The following UBE2W variants were observed in gnomAD, a reference collection of about 807,000 sequenced individuals.
UBE2W encodes ubiquitin conjugating enzyme E2 W, also known as ubiquitin-conjugating enzyme E2 W.
A neutral mutation model predicts 27.2 loss-of-function variants in UBE2W; 18 were observed. The ratio of observed to expected loss-of-function variants is 0.66; its 90% CI spans 0.46 to 0.98. The LOEUF is 0.98. UBE2W is among the 50% of genes least tolerant of loss of function. The probability of loss-of-function intolerance (pLI) is 0.00; values close to 1 mark genes in which losing one functional copy is unlikely to be tolerated. For missense variants in UBE2W, 90 were observed against 180.2 expected (o/e 0.50, Z 2.87); for synonymous variants, 53 against 57.2 (o/e 0.93, Z 0.33).
exon 5 of UBE2W, chr8:73,780,275 C>A (rs971937388): frequency 4.1e-6 from 1 of 246,422 alleles, no homozygotes; most frequent in Non-Finnish European, 8.4e-6. Flanking sequence ...GATACATCAC[C>A]CCATGACTGC....
intron 1 of UBE2W, among the ~76,000 whole-genome samples, chr8:73,834,415 T>C (rs1003231682): frequency 1.3e-5 from 2 of 152,242 alleles, no homozygotes; most frequent in Non-Finnish European, 2.9e-5. Flanking sequence ...AAGAACTGGC[T>C]TCTTCAACAG....
At chr8:73,877,999 T>C (rs1319764852) in intron 1 of UBE2W, among the ~76,000 whole-genome samples, 2 of 150,924 alleles carry the variant, frequency 1.3e-5, no homozygotes, top group African/African-American at 2.4e-5. Context: ...GGTCTGGGAA[T>C]AAGGGCAAAG....
intron 1 of UBE2W, among the ~76,000 whole-genome samples, chr8:73,866,281 AAAAAAAAAAATATATAT>A (rs923848288): frequency 9.8e-5 from 11 of 112,242 alleles, no homozygotes; most frequent in African/African-American, 4.0e-4. Flanking sequence ...AAAAAAAAAA[AAAAAAAAAAATATATAT>A]ATATATATAT....
At chr8:73,858,756 C>T (rs1009150572) in intron 1 of UBE2W, among the ~76,000 whole-genome samples, 13 of 149,798 alleles carry the variant, frequency 8.7e-5, no homozygotes, top group African/African-American at 3.2e-4. Flanking sequence ...ATGGGTAGTC[C>T]TTTCCAAGCC....
At chr8:73,810,963 T>C (rs1809128233) in intron 3 of UBE2W, among the ~76,000 whole-genome samples, 1 of 152,196 alleles carries the variant, frequency 6.6e-6, no homozygotes, top group African/African-American at 2.4e-5. Flanking sequence ...ATTTTGCTCA[T>C]TGCTCTCTGC....
chr8:73,857,492 A>C (rs191170366), intron 1 of UBE2W, among the ~76,000 whole-genome samples: 1 of 152,272 alleles, frequency 6.6e-6, no homozygotes, highest in East Asian at 1.9e-4. Context: ...TATTTTGATA[A>C]AGAGCAAGTT....
At chr8:73,806,054 C>A (rs965958058) in intron 4 of UBE2W, among the ~76,000 whole-genome samples, 1 of 152,068 alleles carries the variant, frequency 6.6e-6, no homozygotes, top group Non-Finnish European at 1.5e-5. Context: ...ACTTGGGAGG[C>A]TGAGGCAGGA....
intron 1 of UBE2W, among the ~76,000 whole-genome samples, chr8:73,878,494 C>A (rs1812336899): frequency 6.6e-6 from 1 of 152,178 alleles, no homozygotes; most frequent in South Asian, 2.1e-4. Flanking sequence ...ACTGGCAGCG[C>A]CCGTGTGTGT....
At chr8:73,839,718 CTTTTTTGGTTT>C (rs1298004843) in intron 1 of UBE2W, among the ~76,000 whole-genome samples, 4 of 140,700 alleles carry the variant, frequency 2.8e-5, no homozygotes, top group African/African-American at 5.4e-5. Flanking sequence ...TCATTCATTT[CTTTTTTGGTTT>C]TTTTTTTTTT....
chr8:73,820,596 C>G (rs886162671), intron 3 of UBE2W, among the ~76,000 whole-genome samples: 5 of 151,868 alleles, frequency 3.3e-5, no homozygotes, highest in Non-Finnish European at 7.4e-5. Context: ...AAAAAATAAG[C>G]CAGGCATGGT....
chr8:73,807,981 A>G (rs934619505), intron 4 of UBE2W, among the ~76,000 whole-genome samples: 2 of 152,234 alleles, frequency 1.3e-5, no homozygotes, highest in Non-Finnish European at 2.9e-5. Context: ...TGTGATCTCA[A>G]TATCAGAAAT....
At chr8:73,868,386 C>T (rs1413627970) in intron 1 of UBE2W, among the ~76,000 whole-genome samples, 1 of 152,214 alleles carries the variant, frequency 6.6e-6, no homozygotes, top group African/African-American at 2.4e-5. Context: ...CCTTACAAAC[C>T]TCACATATGC....
At chr8:73,849,546 G>A (rs536899077) in intron 1 of UBE2W, among the ~76,000 whole-genome samples, 9 of 136,888 alleles carry the variant, frequency 6.6e-5, no homozygotes, top group Non-Finnish European at 1.1e-4. Context: ...AAAAAATTGT[G>A]TGTAACTTCC....
In UBE2W at chr8:73,825,207, T is replaced by G; in HGVS notation, c.150A>C (p.Glu50Asp). ...TAAATAGAAGTTGAAATTTTTCCCC[T>G]TCATATAAGGTACCTGGTGCACCTT... is the stretch of plus-strand genomic sequence containing the variant. The part of the protein sequence containing the change: ...DMEGAPGTLY[E>D]GEKFQLLFKF... The change falls in exon 3 of 6, where the codon GAA becomes GAC. Residue 50 changes from glutamate to aspartate, a missense_variant. Transcript: ENST00000602593. 6.4e-7 allele frequency: 1 copy of G among 1,563,744 alleles called. No homozygotes were observed. Among genetic ancestry groups the G allele is most frequent in the Non-Finnish European group, 8.7e-7 (1 of 1,152,580 alleles).
chr8:73,808,453 G>A (rs1202522557), intron 4 of UBE2W, among the ~76,000 whole-genome samples: 1 of 152,176 alleles, frequency 6.6e-6, no homozygotes, highest in African/African-American at 2.4e-5. Context: ...GGCTGCTCTT[G>A]AACTCCTGGC....
chr8:73,847,611 G>A (rs577320599), intron 1 of UBE2W, among the ~76,000 whole-genome samples: 1 of 146,328 alleles, frequency 6.8e-6, no homozygotes, highest in African/African-American at 2.5e-5. Flanking sequence ...GGTAAAACGG[G>A]TATATTGCGG....
At position 73,815,428 on chromosome 8, in the gene UBE2W, T is replaced by C. The variant is rs59199303; in HGVS notation, c.211-4799A>G. Among the ~76,000 whole-genome samples, 708 of 152,176 alleles carry C rather than the reference T, an allele frequency of 4.7e-3. 5 individuals carry two copies. Among genetic ancestry groups the C allele is most frequent in the African/African-American group, 0.016 (679 of 41,536 alleles). On this transcript the variant is annotated intron_variant, in intron 3 of 5. Coordinates refer to ENST00000602593, the MANE Select transcript of UBE2W (RefSeq NM_018299.6). The stretch of plus-strand genomic sequence containing the variant: ...CTCAAAGTTGGTGTAGTCAGAGAAA[T>C]AGCTCAATATTATAGCTACCAATAT...
intron 1 of UBE2W, 53 bp downstream of exon 1, chr8:73,878,755 G>T: frequency 1.4e-6 from 2 of 1,474,124 alleles, no homozygotes; most frequent in Non-Finnish European, 1.9e-6. Flanking sequence ...CCCGAACGCT[G>T]GCACTCTCTC....
In UBE2W at chr8:73,793,710, G is replaced by A; in HGVS notation, c.*392C>T. 1.0e-6 allele frequency: 1 copy of A among 999,582 alleles called. No homozygotes were observed. The highest frequency in any genetic ancestry group is 1.2e-6 in the Non-Finnish European group (1 of 839,212). 61.9% of individuals were successfully genotyped at this position (999,582 alleles called of 1,614,324 possible). ...ATCATGCATTAATCATTGAATGGCA[G>A]GAGTTAATGAAAACTTTTCCTGTTA... On this transcript the variant is annotated 3_prime_UTR_variant, in exon 6 of 6. Coordinates refer to ENST00000602593, the MANE Select transcript of UBE2W (RefSeq NM_018299.6).
Sources: gnomAD v4.1 joint callset for allele counts (sites outside exome capture counted in the v4.1 genomes callset) on GRCh38, gnomAD v4.1.1 for gene constraint, MANE v1.5 for transcripts, NCBI Gene and HGNC (gene_info 2026-07-23, HGNC 2026-07-21) for gene names.